PDE1A: variants seen among roughly 807,000 people sequenced by gnomAD.
The protein encoded by PDE1A is phosphodiesterase 1A, also known as dual specificity calcium/calmodulin-dependent 3',5'-cyclic nucleotide phosphodiesterase 1A.
A neutral mutation model predicts 61.7 loss-of-function variants in PDE1A; 35 were observed. The ratio of observed to expected loss-of-function variants is 0.57; its 90% CI spans 0.43 to 0.75. PDE1A has a LOEUF of 0.75. Ranked by LOEUF, PDE1A falls within the 30% of genes least tolerant of loss-of-function variation. PDE1A has a pLI of 0.00. For synonymous variants in PDE1A, 232 were observed against 213.2 expected, an observed-to-expected ratio of 1.09 and a Z score of -0.77; for missense variants, 597 against 630.6, an observed-to-expected ratio of 0.95 and a Z score of 0.57.
intron 2 of PDE1A, among the ~76,000 whole-genome samples, chr2:182,471,229 G>T (rs1237179245): frequency 6.6e-6 from 1 of 151,696 alleles, no homozygotes; most frequent in African/African-American, 2.4e-5. Flanking sequence ...TTCAATAACT[G>T]TTTATTTAAT....
intron 4 of PDE1A, among the ~76,000 whole-genome samples, chr2:182,233,188 C>CA (rs1196491294): frequency 5.3e-5 from 8 of 152,212 alleles, no homozygotes; most frequent in East Asian, 1.9e-4. Context: ...ATAGAGAAGG[C>CA]AAAATCTCTC....
chr2:182,457,584 A>G (rs1686008978), intron 2 of PDE1A, among the ~76,000 whole-genome samples: 1 of 152,046 alleles, frequency 6.6e-6, no homozygotes, highest in African/African-American at 2.4e-5. Context: ...ATGCCAAAGT[A>G]GATTAATGCT....
intron 7 of PDE1A, among the ~76,000 whole-genome samples, chr2:182,223,121 A>G (rs1018863204): frequency 6.6e-6 from 1 of 152,010 alleles, no homozygotes; most frequent in African/African-American, 2.4e-5. Context: ...TGGTGTCCAT[A>G]TAAGAAGAGG....
chr2:182,701,389 CTT>C, the PDE1A span, among the ~76,000 whole-genome samples: 520 of 138,992 alleles, frequency 3.7e-3, no homozygotes, highest in South Asian at 6.0e-3. Flanking sequence ...GTTTGCTTAA[CTT>C]TTTTTTTTTT....
the PDE1A span, among the ~76,000 whole-genome samples, chr2:182,610,789 AAAAAT>A: frequency 6.6e-6 from 1 of 152,170 alleles, no homozygotes; most frequent in Non-Finnish European, 1.5e-5. Flanking sequence ...AATAAAACTG[AAAAAT>A]AAAAGTAAAA....
chr2:182,166,140 G>A (rs2125308354), downstream of PDE1A, among the ~76,000 whole-genome samples: 1 of 152,218 alleles, frequency 6.6e-6, no homozygotes, highest in East Asian at 1.9e-4. Flanking sequence ...CTTGTGATGG[G>A]TAATTTTAGG....
At chr2:182,608,339 C>T in the PDE1A span, among the ~76,000 whole-genome samples, 41 of 152,366 alleles carry the variant, frequency 2.7e-4, no homozygotes, top group African/African-American at 9.1e-4. Context: ...CGGGCTCGCT[C>T]TCGGCGCCTC....
chr2:182,547,635 T>C, the PDE1A span, among the ~76,000 whole-genome samples: 1 of 152,082 alleles, frequency 6.6e-6, no homozygotes, highest in Non-Finnish European at 1.5e-5. Context: ...TAGGCAAATA[T>C]CCTTTAAAAA....
At chr2:182,606,631 G>A in the PDE1A span, among the ~76,000 whole-genome samples, 3 of 152,008 alleles carry the variant, frequency 2.0e-5, no homozygotes, top group African/African-American at 7.3e-5. Flanking sequence ...AAAGAAGACA[G>A]GAAATAAACG....
chr2:182,511,225 A>C (rs1417593918), intron 2 of PDE1A, among the ~76,000 whole-genome samples: 2 of 151,966 alleles, frequency 1.3e-5, no homozygotes, highest in Admixed American at 6.6e-5. Flanking sequence ...TAGCCAGGAA[A>C]ACCTTCTCTC....
intron 2 of PDE1A, among the ~76,000 whole-genome samples, chr2:182,447,927 C>CA (rs2125703487): frequency 6.6e-6 from 1 of 152,186 alleles, no homozygotes; most frequent in South Asian, 2.1e-4. Flanking sequence ...CTGATGAGCA[C>CA]AAACATTGGT....
chr2:182,567,184 G>C, the PDE1A span, among the ~76,000 whole-genome samples: 1 of 152,108 alleles, frequency 6.6e-6, no homozygotes, highest in Non-Finnish European at 1.5e-5. Flanking sequence ...ATTACCATGA[G>C]AGAACATTAC....
the PDE1A span, among the ~76,000 whole-genome samples, chr2:182,639,472 G>T: frequency 2.0e-5 from 3 of 152,166 alleles, no homozygotes; most frequent in Non-Finnish European, 4.4e-5. Flanking sequence ...GGAGGTCGAG[G>T]CAGGAGAATC....
intron 1 of PDE1A, among the ~76,000 whole-genome samples, chr2:182,345,219 C>T (rs145223409): frequency 3.5e-3 from 530 of 152,312 alleles, no homozygotes; most frequent in African/African-American, 0.012. Flanking sequence ...ACTGAATATG[C>T]TGATAAATGA....
At chr2:182,606,346 T>C in the PDE1A span, among the ~76,000 whole-genome samples, 1 of 152,270 alleles carries the variant, frequency 6.6e-6, no homozygotes. Flanking sequence ...ACCTGGCTAA[T>C]TTTTTGTATC....
intron 2 of PDE1A, among the ~76,000 whole-genome samples, chr2:182,457,959 T>C (rs1686033452): frequency 6.6e-6 from 1 of 152,034 alleles, no homozygotes; most frequent in Non-Finnish European, 1.5e-5. Flanking sequence ...AAAGTAAAAT[T>C]TATGCTTAGG....
At chr2:182,385,640 G>GAAGAAGA (rs1700994282) in intron 1 of PDE1A, among the ~76,000 whole-genome samples, 2 of 70,486 alleles carry the variant, frequency 2.8e-5, no homozygotes, top group South Asian at 1.5e-3. Context: ...AAAGAAAGAA[G>GAAGAAGA]AAGAAAGAAA....
At chr2:182,231,035 C>A (rs775065809) in exon 5 of PDE1A, 5 of 1,581,714 alleles carry the variant, frequency 3.2e-6, no homozygotes, top group East Asian at 4.5e-5. Context: ...TTGATAAGAT[C>A]ATATCTGGTA....
chr2:182,401,393 T>C (rs549931931), intron 1 of PDE1A, among the ~76,000 whole-genome samples: 12 of 152,214 alleles, frequency 7.9e-5, no homozygotes, highest in African/African-American at 2.9e-4. Flanking sequence ...ACGTAATCCA[T>C]CACATAAACA....
Sources: allele counts gnomAD v4.1 joint callset (sites outside exome capture counted in the v4.1 genomes callset), GRCh38; gene constraint gnomAD v4.1.1; transcripts MANE v1.5; gene names NCBI Gene and HGNC (gene_info 2026-07-23, HGNC 2026-07-21).